The following U2SURP variants were observed in gnomAD, a reference collection of about 807,000 sequenced individuals.
The protein encoded by U2SURP is U2 snRNP-associated SURP motif-containing protein.
U2SURP carries 9 observed loss-of-function variants against 144.9 expected under a neutral mutation model. The ratio of observed to expected loss-of-function variants is 0.06; its 90% CI spans 0.04 to 0.11. The LOEUF (loss-of-function observed/expected upper bound fraction) is 0.11. Among genes scored for constraint, U2SURP ranks in the 10% least tolerant of loss-of-function variants. The probability of loss-of-function intolerance (pLI) is 1.00; values close to 1 mark genes in which losing one functional copy is unlikely to be tolerated. For missense variants in U2SURP, 724 were observed against 1,226.7 expected (o/e 0.59, Z 6.12); for synonymous variants, 408 against 396.8 (o/e 1.03, Z -0.33).
intron 25 of U2SURP, among the ~76,000 whole-genome samples, chr3:143,052,325 C>T (rs956694557): frequency 2.0e-5 from 3 of 151,976 alleles, no homozygotes; most frequent in Admixed American, 6.6e-5. Flanking sequence ...ACCTGGGAGG[C>T]GGAGGTTGTC....
chr3:143,016,932 A>T lies in U2SURP; in HGVS notation c.527A>T (p.Asn176Ile), dbSNP rs765135357. 2.5e-6 allele frequency: 4 copies of T among 1,593,928 alleles called. No individual in the cohort carries two copies. The South Asian group carries it at 4.6e-5, about 18-fold the overall frequency. ...AAAAATCCTCCAAATCAGTCTTCCAATGAAAGACCACCATCTCTTCTTGTG... is the reference window on the plus strand; with the variant it reads ...AAAAATCCTCCAAATCAGTCTTCCATTGAAAGACCACCATCTCTTCTTGTG... ...DQKNPPNQSSNERPPSLLVIE... is the reference protein window; with the variant it reads ...DQKNPPNQSSIERPPSLLVIE... The change falls in exon 6 of 28, where the codon AAT becomes ATT. Residue 176 changes from asparagine to isoleucine, a missense_variant. Coordinates refer to ENST00000473835, the MANE Select transcript of U2SURP (RefSeq NM_001080415.2).
At chr3:143,035,843 T>C (rs1280724849) in intron 19 of U2SURP, 139 bp from the exon 20 acceptor site, 1 of 819,544 alleles carries the variant, frequency 1.2e-6, no homozygotes, top group Non-Finnish European at 1.8e-6. Context: ...GGTAATGATA[T>C]ATAGTTATTT....
At chr3:143,040,177 AT>A (rs1263953417) in intron 23 of U2SURP, among the ~76,000 whole-genome samples, 2 of 151,886 alleles carry the variant, frequency 1.3e-5, no homozygotes, top group African/African-American at 4.8e-5. Flanking sequence ...TGAAAAAAGT[AT>A]TGTTCTATTA....
At chr3:143,037,066 T>C in intron 20 of U2SURP, 113 bp from the exon 21 acceptor site, 1 of 983,350 alleles carries the variant, frequency 1.0e-6, no homozygotes. Context: ...ACATTGTACC[T>C]CAGATTGTGG....
intron 1 of U2SURP, among the ~76,000 whole-genome samples, chr3:143,010,513 CTG>C (rs1016708038): frequency 1.1e-4 from 17 of 152,294 alleles, no homozygotes; most frequent in Admixed American, 2.0e-4. Context: ...TTGCATAAAA[CTG>C]TGTAAAAATG....
chr3:143,055,255 A>C (rs1396205701), intron 27 of U2SURP, 136 bp downstream of exon 27: 1 of 747,796 alleles, frequency 1.3e-6, no homozygotes, highest in African/African-American at 1.9e-5. Flanking sequence ...ATACACTTTC[A>C]TTTTTGGTTA....
intron 11 of U2SURP, 50 bp downstream of exon 11, chr3:143,022,712 T>C: frequency 6.5e-7 from 1 of 1,542,008 alleles, no homozygotes; most frequent in South Asian, 1.2e-5. Context: ...TTTCTTTGGT[T>C]TGGAAAAGTA....
intron 13 of U2SURP, among the ~76,000 whole-genome samples, chr3:143,025,229 G>A (rs533431304): frequency 3.4e-4 from 51 of 152,200 alleles, no homozygotes; most frequent in East Asian, 1.2e-3. Context: ...ACTGATAAAA[G>A]CATTCACAGG....
chr3:143,053,535 AT>A (rs11441481), intron 25 of U2SURP, 140 bp from the exon 26 acceptor site: 11,605 of 462,852 alleles, frequency 0.025, no homozygotes, highest in Non-Finnish European at 0.029. Flanking sequence ...GAAGGGGTAG[AT>A]TTTTTTTTTT....
At chr3:143,020,756 G>T in intron 8 of U2SURP, 63 bp downstream of exon 8, 1 of 1,289,468 alleles carries the variant, frequency 7.8e-7, no homozygotes, top group Non-Finnish European at 1.1e-6. Context: ...CACCTTATCC[G>T]TGGCGGGTTA....
At chr3:143,045,334 A>G (rs182294584) in intron 24 of U2SURP, among the ~76,000 whole-genome samples, 208 of 146,328 alleles carry the variant, frequency 1.4e-3, no homozygotes, top group African/African-American at 5.2e-3. Flanking sequence ...ATGCCACTGC[A>G]CTGCAGCCTG....
chr3:143,056,843 A>G lies in U2SURP; in HGVS notation c.*393A>G, dbSNP rs1935174189. On this transcript the variant is annotated 3_prime_UTR_variant, in exon 28 of 28. Coordinates refer to ENST00000473835, the MANE Select transcript of U2SURP (RefSeq NM_001080415.2). The stretch of plus-strand genomic sequence containing the variant: ...TCAAATAAAATCTGAACAGAAAACT[A>G]TAATGTTGTTTTTTTGCCCCACCGG... 2 of 180,236 alleles carry G rather than the reference A, an allele frequency of 1.1e-5. No homozygotes were observed. Among genetic ancestry groups the G allele is most frequent in the Non-Finnish European group, 2.4e-5 (2 of 84,276 alleles). The allele number at this position is 180,236 out of a possible 1,614,324, so 11.2% of individuals were successfully genotyped here.
intron 24 of U2SURP, among the ~76,000 whole-genome samples, chr3:143,049,842 T>C (rs953035468): frequency 1.3e-5 from 2 of 152,222 alleles, no homozygotes; most frequent in African/African-American, 4.8e-5. Flanking sequence ...AGCTCACTTA[T>C]TGCAGGTTTT....
intron 23 of U2SURP, among the ~76,000 whole-genome samples, chr3:143,039,898 A>G (rs1934014093): frequency 6.6e-6 from 1 of 151,898 alleles, no homozygotes. Flanking sequence ...AGAACAAGTC[A>G]GCAATGATGA....
chr3:143,040,135 A>C lies in U2SURP; in HGVS notation c.2384+1175A>C, dbSNP rs187320540. Among the ~76,000 whole-genome samples, 3 of 151,988 alleles carry C rather than the reference A, an allele frequency of 2.0e-5. No homozygotes were observed. In the East Asian group the frequency reaches 5.8e-4, roughly 29 times the overall value. On this transcript the variant is annotated intron_variant, in intron 23 of 27. Coordinates refer to ENST00000473835, the MANE Select transcript of U2SURP (RefSeq NM_001080415.2). ...TACTCATAAAATAATTATTTAATTTAGGGGGAAGGAAGGGTAGAAAAGCCG... is the reference window on the plus strand; with the variant it reads ...TACTCATAAAATAATTATTTAATTTCGGGGGAAGGAAGGGTAGAAAAGCCG...
chr3:143,040,185 A>G (rs1553844811), intron 23 of U2SURP, among the ~76,000 whole-genome samples: 2 of 151,872 alleles, frequency 1.3e-5, no homozygotes, highest in South Asian at 2.1e-4. Flanking sequence ...GTATTGTTCT[A>G]TTAGTTTTAT....
At chr3:143,031,425 C>CCTAACCTTCAGCTACCACCACA (rs1308138960) in intron 16 of U2SURP, among the ~76,000 whole-genome samples, 4 of 113,880 alleles carry the variant, frequency 3.5e-5, no homozygotes, top group Non-Finnish European at 8.9e-5. Flanking sequence ...CTACCACCGC[C>CCTAACCTTCAGCTACCACCACA]CTAACCTTCA....
At chr3:143,002,662 AG>A (rs1238185917) in intron 1 of U2SURP, among the ~76,000 whole-genome samples, 1 of 152,208 alleles carries the variant, frequency 6.6e-6, no homozygotes, top group East Asian at 1.9e-4. Context: ...ATCGGCTATT[AG>A]AAAGTTAAAT....
At chr3:143,003,173 C>G (rs1935626378) in intron 1 of U2SURP, among the ~76,000 whole-genome samples, 1 of 152,190 alleles carries the variant, frequency 6.6e-6, no homozygotes, top group South Asian at 2.1e-4. Context: ...GAATGTATGG[C>G]TGTTCTCAAT....
Sources: allele counts gnomAD v4.1 joint callset (sites outside exome capture counted in the v4.1 genomes callset), GRCh38; gene constraint gnomAD v4.1.1; transcripts MANE v1.5; gene names NCBI Gene and HGNC (gene_info 2026-07-23, HGNC 2026-07-21).